Variants in IQCM observed in about 807,000 individuals in gnomAD.
The protein encoded by IQCM is IQ motif containing M.
IQCM carries 45 observed loss-of-function variants against 57.6 expected under a neutral mutation model. That is an observed-to-expected ratio of 0.78 (90% CI 0.62 to 1.00). IQCM has a LOEUF of 1.00. Ranked by LOEUF, IQCM falls within the 50% of genes least tolerant of loss-of-function variation. The pLI, the probability that IQCM is intolerant of heterozygous loss-of-function variation, is 0.00. For missense variants in IQCM, 468 were observed against 511.6 expected, an observed-to-expected ratio of 0.91 and a Z score of 0.82; for synonymous variants, 148 against 158.9, an observed-to-expected ratio of 0.93 and a Z score of 0.51.
At chr4:149,727,206 CT>C (rs1437114661) in intron 5 of IQCM, among the ~76,000 whole-genome samples, 1 of 152,204 alleles carries the variant, frequency 6.6e-6, no homozygotes, top group Admixed American at 6.5e-5. Context: ...TCTGCACTTA[CT>C]TATAATGGAC....
intron 13 of IQCM, among the ~76,000 whole-genome samples, chr4:149,372,149 A>G (rs1316104491): frequency 6.6e-6 from 1 of 152,222 alleles, no homozygotes. Flanking sequence ...TTTAACCCAC[A>G]GTAACTGCAG....
rs1280577668 is a variant in IQCM at position 149,371,577 on chromosome 4, TG to T, written c.1391-19512del. On this transcript the variant is annotated intron_variant, in intron 13 of 13. Transcript: ENST00000636793. ...CCTCTTCTGTTCTCTTAGATTGTGT[TG>T]GTATCACTAGCAAGAACTGATATGG... is the stretch of plus-strand genomic sequence containing the variant. Among the ~76,000 whole-genome samples, 67 of 152,192 alleles carry T rather than the reference TG, an allele frequency of 4.4e-4. 1 individual carries two copies. Among genetic ancestry groups the T allele is most frequent in the Non-Finnish European group, 5.9e-5 (4 of 68,022 alleles).
intron 2 of IQCM, among the ~76,000 whole-genome samples, chr4:149,771,550 G>A (rs1376229722): frequency 2.6e-5 from 4 of 152,002 alleles, no homozygotes; most frequent in African/African-American, 9.7e-5. Flanking sequence ...GACTAATAAA[G>A]TTCTTTCTTC....
intron 8 of IQCM, among the ~76,000 whole-genome samples, chr4:149,612,231 A>T (rs1460731536): frequency 6.6e-6 from 1 of 152,076 alleles, no homozygotes; most frequent in Non-Finnish European, 1.5e-5. Flanking sequence ...ACATATGGGG[A>T]TTATAATTTG....
chr4:149,510,236 G>C (rs1047903884), intron 12 of IQCM, among the ~76,000 whole-genome samples: 6 of 152,104 alleles, frequency 3.9e-5, no homozygotes, highest in Admixed American at 6.5e-5. Flanking sequence ...CTACTGGTAA[G>C]ACTGAGCATG....
At chr4:149,584,761 A>G (rs1375451688) in intron 9 of IQCM, among the ~76,000 whole-genome samples, 1 of 151,766 alleles carries the variant, frequency 6.6e-6, no homozygotes, top group Non-Finnish European at 1.5e-5. Context: ...AACAATGACA[A>G]ATGAATTTGA....
intron 12 of IQCM, among the ~76,000 whole-genome samples, chr4:149,497,358 A>G (rs1742765070): frequency 6.6e-6 from 1 of 152,132 alleles, no homozygotes; most frequent in Non-Finnish European, 1.5e-5. Flanking sequence ...GAAAAATGTC[A>G]TAGTATCAGT....
chr4:149,621,344 T>A, intron 7 of IQCM, 100 bp from the exon 8 acceptor site: 1 of 442,864 alleles, frequency 2.3e-6, no homozygotes, highest in Non-Finnish European at 3.7e-6. Context: ...AAATCATCTT[T>A]ATGGCCTCAC....
intron 2 of IQCM, among the ~76,000 whole-genome samples, chr4:149,765,074 C>T (rs1285901209): frequency 6.6e-6 from 1 of 152,026 alleles, no homozygotes; most frequent in African/African-American, 2.4e-5. Context: ...TTCAAAATCA[C>T]TTTAAACATA....
chr4:149,492,593 G>A (rs1007582022), intron 12 of IQCM, among the ~76,000 whole-genome samples: 6 of 152,014 alleles, frequency 3.9e-5, no homozygotes, highest in Non-Finnish European at 7.4e-5. Context: ...ATAGCCATAA[G>A]GCCCATTCGA....
intron 12 of IQCM, among the ~76,000 whole-genome samples, chr4:149,453,079 G>A (rs983342497): frequency 6.6e-5 from 10 of 150,804 alleles, no homozygotes; most frequent in African/African-American, 1.5e-4. Context: ...TTACAACATC[G>A]TAGGAAAGAA....
intron 7 of IQCM, among the ~76,000 whole-genome samples, chr4:149,673,088 C>A (rs1761445227): frequency 6.6e-6 from 1 of 152,124 alleles, no homozygotes; most frequent in African/African-American, 2.4e-5. Context: ...GAGATTTTGT[C>A]ACCACCAGGC....
intron 10 of IQCM, 54 bp from the exon 11 acceptor site, chr4:149,553,341 T>C (rs1298478322): frequency 8.4e-7 from 1 of 1,196,144 alleles, no homozygotes; most frequent in Non-Finnish European, 1.0e-6. Flanking sequence ...TTTAATTTGA[T>C]TTCGCCTCTT....
At chr4:149,578,937 C>T (rs1311109525) in intron 9 of IQCM, among the ~76,000 whole-genome samples, 2 of 151,912 alleles carry the variant, frequency 1.3e-5, no homozygotes, top group African/African-American at 2.4e-5. Context: ...TCCCCCTTCC[C>T]CATGCTTTTG....
At chr4:149,397,628 C>T (rs1732322778) in intron 13 of IQCM, among the ~76,000 whole-genome samples, 1 of 152,024 alleles carries the variant, frequency 6.6e-6, no homozygotes, top group Admixed American at 6.6e-5. Context: ...AATTAAACCT[C>T]CTTTATTAAT....
At chr4:149,534,745 C>T (rs973888) in intron 12 of IQCM, among the ~76,000 whole-genome samples, 2,894 of 152,116 alleles carry the variant, frequency 0.019, 81 homozygotes, top group South Asian at 0.14. Flanking sequence ...AACTACACCG[C>T]TGTATTCCAT....
At chr4:149,505,215 T>C (rs1314977791) in intron 12 of IQCM, among the ~76,000 whole-genome samples, 1 of 152,152 alleles carries the variant, frequency 6.6e-6, no homozygotes, top group Admixed American at 6.5e-5. Flanking sequence ...TTTCTGAATA[T>C]ATCACCTCAA....
chr4:149,737,686 G>A (rs1017668320), intron 3 of IQCM: 7 of 152,124 alleles, frequency 4.6e-5, no homozygotes, highest in African/African-American at 1.7e-4. Flanking sequence ...AAGAAGCACT[G>A]TCCTCACACG....
At chr4:149,552,257 A>G (rs184109308) in intron 11 of IQCM, among the ~76,000 whole-genome samples, 3 of 152,346 alleles carry the variant, frequency 2.0e-5, no homozygotes. Context: ...ACTGATAAAT[A>G]TAACAGACAT....
Sources: allele counts gnomAD v4.1 joint callset (sites outside exome capture counted in the v4.1 genomes callset), GRCh38; gene constraint gnomAD v4.1.1; transcripts MANE v1.5; gene names NCBI Gene and HGNC (gene_info 2026-07-23, HGNC 2026-07-21).